The following MAST4 variants were observed in gnomAD, a reference collection of about 807,000 sequenced individuals.
MAST4 encodes the protein microtubule associated serine/threonine kinase family member 4.
In MAST4, 89 loss-of-function variants were observed where a neutral mutation model predicts 162.7. The observed-to-expected ratio is 0.55, with a 90% confidence interval of 0.46 to 0.65. The LOEUF (loss-of-function observed/expected upper bound fraction) is 0.65. Among genes scored for constraint, MAST4 ranks in the 30% least tolerant of loss-of-function variants. The probability of loss-of-function intolerance (pLI) is 0.00; values close to 1 mark genes in which losing one functional copy is unlikely to be tolerated. For missense variants in MAST4, 3,153 were observed against 3,374.0 expected, an observed-to-expected ratio of 0.93 and a Z score of 1.62; for synonymous variants, 1,479 against 1,361.1, an observed-to-expected ratio of 1.09 and a Z score of -1.91.
At chr5:66,819,555 T>A (rs1216230950) in intron 3 of MAST4, among the ~76,000 whole-genome samples, 5 of 152,188 alleles carry the variant, frequency 3.3e-5, no homozygotes, top group African/African-American at 1.2e-4. Context: ...GAAAGAATGC[T>A]TGATTAATTC....
chr5:67,044,367 C>G (rs1452101949), intron 4 of MAST4, among the ~76,000 whole-genome samples: 1 of 152,160 alleles, frequency 6.6e-6, no homozygotes, highest in African/African-American at 2.4e-5. Flanking sequence ...GACTAGGTCT[C>G]TCCTATGACT....
chr5:66,872,425 C>T (rs1761006525), intron 3 of MAST4, among the ~76,000 whole-genome samples: 1 of 152,188 alleles, frequency 6.6e-6, no homozygotes, highest in Non-Finnish European at 1.5e-5. Flanking sequence ...CTGCCTCGGC[C>T]TCCCAAAGTA....
At position 67,038,130 on chromosome 5, in the gene MAST4, A is replaced by G. The variant is rs1273467185; in HGVS notation, c.675-16274A>G. ...TTTATTTCAGAAAACACCTTAACCT[A>G]TGATGGGAACACTTTGTCTACCTGG... is the stretch of plus-strand genomic sequence containing the variant. On this transcript the variant is annotated intron_variant, in intron 4 of 28. Coordinates refer to ENST00000403625, the MANE Select transcript of MAST4 (RefSeq NM_001164664.2). Among the ~76,000 whole-genome samples the G allele has an allele frequency of 3.9e-5, 6 of 152,180 alleles. No homozygotes were observed. The East Asian group carries it at 5.8e-4, about 15-fold the overall frequency.
chr5:66,616,236 G>A (rs1399170924), intron 1 of MAST4, among the ~76,000 whole-genome samples: 5 of 152,218 alleles, frequency 3.3e-5, no homozygotes, highest in Non-Finnish European at 7.3e-5. Flanking sequence ...ACAGGCAGGT[G>A]TGGTGCATGC....
Position 66,717,198 on chromosome 5 carries a change from C to G in MAST4, c.364-42511C>G, listed in dbSNP as rs1301888616. ...CAGCCAGGTGAGGGAGGAGGCTACC[C>G]TATACTCTGTGGCTTGGAGGTGGAG... On this transcript the variant is annotated intron_variant, in intron 1 of 28. Coordinates refer to ENST00000403625, the MANE Select transcript of MAST4 (RefSeq NM_001164664.2). 2.6e-5 allele frequency among the ~76,000 whole-genome samples: 4 copies of G among 152,122 alleles called. No homozygotes were observed. The East Asian group carries it at 5.8e-4, about 22-fold the overall frequency.
At chr5:66,659,341 G>C (rs752843960) in intron 1 of MAST4, among the ~76,000 whole-genome samples, 1 of 152,220 alleles carries the variant, frequency 6.6e-6, no homozygotes, top group Non-Finnish European at 1.5e-5. Context: ...GGACTTGAAC[G>C]TGGTTCATCT....
At chr5:66,932,996 T>C (rs1278771693) in intron 4 of MAST4, among the ~76,000 whole-genome samples, 1 of 152,166 alleles carries the variant, frequency 6.6e-6, no homozygotes, top group Non-Finnish European at 1.5e-5. Context: ...CTCATAGTTA[T>C]AGCCTTTAAT....
intron 4 of MAST4, among the ~76,000 whole-genome samples, chr5:66,905,071 C>T (rs1373039978): frequency 6.6e-5 from 10 of 152,026 alleles, no homozygotes; most frequent in Admixed American, 5.9e-4. Context: ...TTTGGGAGGC[C>T]AAGGCAGGTG....
At chr5:66,621,990 C>T (rs563047267) in intron 1 of MAST4, among the ~76,000 whole-genome samples, 6 of 152,148 alleles carry the variant, frequency 3.9e-5, no homozygotes, top group African/African-American at 9.6e-5. Flanking sequence ...TAGCTGTGTT[C>T]CAACAACACT....
At chr5:66,690,644 G>A (rs1052218141) in intron 1 of MAST4, among the ~76,000 whole-genome samples, 1 of 152,170 alleles carries the variant, frequency 6.6e-6, no homozygotes, top group Non-Finnish European at 1.5e-5. Flanking sequence ...CTTGTTTGTA[G>A]TTCTGAGAGA....
rs1361673571 is a variant in MAST4 at position 67,037,851 on chromosome 5, C to G, written c.675-16553C>G. Reference sequence around the variant, plus strand: ...TCATTAATTCTTTCTAACTATGATGCTAGACTCATTGCCCAGGGATTTTTT... The same window carrying G: ...TCATTAATTCTTTCTAACTATGATGGTAGACTCATTGCCCAGGGATTTTTT... On this transcript the variant is annotated intron_variant, in intron 4 of 28. Coordinates refer to ENST00000403625, the MANE Select transcript of MAST4 (RefSeq NM_001164664.2). Among the ~76,000 whole-genome samples, 5 of 149,816 alleles carry G rather than the reference C, an allele frequency of 3.3e-5. No individual in the cohort carries two copies. In the Admixed American group the frequency reaches 3.4e-4, roughly 10 times the overall value.
intron 6 of MAST4, among the ~76,000 whole-genome samples, chr5:67,093,469 G>A (rs1764089878): frequency 6.6e-6 from 1 of 152,224 alleles, no homozygotes; most frequent in African/African-American, 2.4e-5. Flanking sequence ...ATGTGCAGTT[G>A]TCATGGTGAT....
intron 1 of MAST4, among the ~76,000 whole-genome samples, chr5:66,724,779 T>C (rs761837880): frequency 6.6e-6 from 1 of 151,984 alleles, no homozygotes; most frequent in Non-Finnish European, 1.5e-5. Flanking sequence ...AGCAAAAATA[T>C]GGTATTATAA....
At chr5:66,618,513 C>T (rs1210294815) in intron 1 of MAST4, among the ~76,000 whole-genome samples, 2 of 152,148 alleles carry the variant, frequency 1.3e-5, no homozygotes, top group Non-Finnish European at 2.9e-5. Context: ...TATGCTTTTG[C>T]TTAAATTTAA....
chr5:66,870,539 G>A (rs1760852155), intron 3 of MAST4, among the ~76,000 whole-genome samples: 1 of 152,204 alleles, frequency 6.6e-6, no homozygotes, highest in Non-Finnish European at 1.5e-5. Context: ...GGTTGTGTTT[G>A]TGACTTTATT....
intron 3 of MAST4, among the ~76,000 whole-genome samples, chr5:66,855,605 G>A (rs146838320): frequency 5.3e-5 from 8 of 152,286 alleles, no homozygotes; most frequent in African/African-American, 1.9e-4. Flanking sequence ...AGGAAGCAAT[G>A]CCAGTGTAAG....
chr5:66,701,866 A>G (rs1323670825), intron 1 of MAST4, among the ~76,000 whole-genome samples: 1 of 152,188 alleles, frequency 6.6e-6, no homozygotes, highest in Non-Finnish European at 1.5e-5. Context: ...CACCTTTTAG[A>G]GGACTATACT....
chr5:67,069,909 TG>T (rs1760736787), intron 5 of MAST4, among the ~76,000 whole-genome samples: 1 of 151,664 alleles, frequency 6.6e-6, no homozygotes, highest in Non-Finnish European at 1.5e-5. Flanking sequence ...TGTGTGTGTG[TG>T]TGTGTGTGTT....
chr5:67,132,210 C>T (rs1277691049), intron 16 of MAST4, among the ~76,000 whole-genome samples: 2 of 152,070 alleles, frequency 1.3e-5, no homozygotes, highest in Admixed American at 6.6e-5. Flanking sequence ...TTCTGGGATA[C>T]ATGTGCAGAA....
Sources: allele counts gnomAD v4.1 joint callset (sites outside exome capture counted in the v4.1 genomes callset), GRCh38; gene constraint gnomAD v4.1.1; transcripts MANE v1.5; gene names NCBI Gene and HGNC (gene_info 2026-07-23, HGNC 2026-07-21).